The following RCAN2 variants were observed in gnomAD, a reference collection of about 807,000 sequenced individuals.
RCAN2 encodes regulator of calcineurin 2.
In RCAN2, 9 loss-of-function variants were observed where a neutral mutation model predicts 23.6. That is an observed-to-expected ratio of 0.38 (90% CI 0.23 to 0.67). The LOEUF (loss-of-function observed/expected upper bound fraction) is 0.67, where lower values mean the gene tolerates loss of function less well. Ranked by LOEUF, RCAN2 falls within the 30% of genes least tolerant of loss-of-function variation. RCAN2 has a pLI of 0.51. For missense variants in RCAN2, 273 were observed against 302.3 expected, an observed-to-expected ratio of 0.90 and a Z score of 0.72; for synonymous variants, 109 against 115.7, an observed-to-expected ratio of 0.94 and a Z score of 0.37.
intron 2 of RCAN2, among the ~76,000 whole-genome samples, chr6:46,249,280 C>G (rs2150318646): frequency 6.6e-6 from 1 of 150,502 alleles, no homozygotes; most frequent in East Asian, 2.0e-4. Context: ...TTGTGATTAC[C>G]AATCTTGGGG....
intron 2 of RCAN2, among the ~76,000 whole-genome samples, chr6:46,379,919 C>T (rs1320666472): frequency 6.6e-6 from 1 of 152,178 alleles, no homozygotes; most frequent in Non-Finnish European, 1.5e-5. Flanking sequence ...CAGCATGAAG[C>T]ATCATTTCTG....
chr6:46,277,188 GT>G (rs2150336570), intron 2 of RCAN2, among the ~76,000 whole-genome samples: 1 of 152,280 alleles, frequency 6.6e-6, no homozygotes, highest in South Asian at 2.1e-4. Context: ...GAACGTGTTG[GT>G]TTTCTATTTG....
intron 2 of RCAN2, among the ~76,000 whole-genome samples, chr6:46,336,619 G>A (rs1764153570): frequency 6.6e-6 from 1 of 152,198 alleles, no homozygotes; most frequent in Non-Finnish European, 1.5e-5. Flanking sequence ...TTGGAAAGGA[G>A]GGTCATGGCC....
chr6:46,263,455 GTGTGTGTGTGTGTGTGTGTA>G (rs1767184941), intron 2 of RCAN2, among the ~76,000 whole-genome samples: 1 of 48,928 alleles, frequency 2.0e-5, no homozygotes, highest in Non-Finnish European at 4.4e-5. Context: ...ATCAGAGAGT[GTGTGTGTGTGTGTGTGTGTA>G]TGTGTGTGTG....
At chr6:46,352,132 GC>G (rs1764667098) in intron 2 of RCAN2, among the ~76,000 whole-genome samples, 1 of 152,162 alleles carries the variant, frequency 6.6e-6, no homozygotes, top group Non-Finnish European at 1.5e-5. Context: ...TTCTAAGGAG[GC>G]CTCTCCTGGG....
At chr6:46,245,605 C>T (rs1464139752) in intron 4 of RCAN2, among the ~76,000 whole-genome samples, 1 of 152,094 alleles carries the variant, frequency 6.6e-6, no homozygotes. Context: ...CAAATGTTTT[C>T]CTGCTACATT....
At chr6:46,335,105 T>G (rs988055107) in intron 2 of RCAN2, among the ~76,000 whole-genome samples, 1 of 152,210 alleles carries the variant, frequency 6.6e-6, no homozygotes, top group Non-Finnish European at 1.5e-5. Flanking sequence ...GTCAGACTTC[T>G]CATGAGGATT....
intron 2 of RCAN2, among the ~76,000 whole-genome samples, chr6:46,306,983 C>T (rs773126081): frequency 2.0e-5 from 3 of 152,094 alleles, no homozygotes; most frequent in Non-Finnish European, 4.4e-5. Context: ...ATATCTAGAA[C>T]AGAGCCTGGC....
chr6:46,348,317 T>C (rs1764549135), intron 2 of RCAN2, among the ~76,000 whole-genome samples: 1 of 152,208 alleles, frequency 6.6e-6, no homozygotes, highest in African/African-American at 2.4e-5. Context: ...TAATTATACA[T>C]GTCCTCTGTT....
At chr6:46,357,298 G>A (rs1239036603) in intron 2 of RCAN2, among the ~76,000 whole-genome samples, 2 of 152,172 alleles carry the variant, frequency 1.3e-5, no homozygotes, top group African/African-American at 2.4e-5. Context: ...AATCAGACCC[G>A]ATAGAAGTGT....
chr6:46,380,689 A>C (rs1462985478), intron 2 of RCAN2, among the ~76,000 whole-genome samples: 1 of 152,248 alleles, frequency 6.6e-6, no homozygotes, highest in Non-Finnish European at 1.5e-5. Flanking sequence ...AAGAAACCTG[A>C]GTCCTAGTTA....
intron 2 of RCAN2, among the ~76,000 whole-genome samples, chr6:46,364,694 G>T (rs952888982): frequency 2.6e-5 from 4 of 152,046 alleles, no homozygotes; most frequent in African/African-American, 9.7e-5. Flanking sequence ...GCTGACTGTT[G>T]GTGCCCACCC....
chr6:46,293,372 C>G (rs1475882105), intron 2 of RCAN2, among the ~76,000 whole-genome samples: 5 of 152,110 alleles, frequency 3.3e-5, no homozygotes, highest in Non-Finnish European at 7.4e-5. Flanking sequence ...TGGAGATTAT[C>G]AAATTCATGC....
chr6:46,442,019 G>A (rs1230754949), intron 2 of RCAN2, among the ~76,000 whole-genome samples: 1 of 152,150 alleles, frequency 6.6e-6, no homozygotes, highest in East Asian at 1.9e-4. Flanking sequence ...GAGTTTTAAA[G>A]TTCACATCAA....
chr6:46,290,278 A>T (rs1762514781), intron 2 of RCAN2, among the ~76,000 whole-genome samples: 1 of 152,222 alleles, frequency 6.6e-6, no homozygotes, highest in South Asian at 2.1e-4. Flanking sequence ...TCATGAACTA[A>T]TGTAAATTAG....
intron 2 of RCAN2, among the ~76,000 whole-genome samples, chr6:46,326,250 C>A (rs1451658448): frequency 6.6e-6 from 1 of 152,128 alleles, no homozygotes; most frequent in East Asian, 1.9e-4. Flanking sequence ...CTAAGAGCAC[C>A]CTTCCAAGCT....
At chr6:46,399,446 G>C (rs1766186683) in intron 2 of RCAN2, among the ~76,000 whole-genome samples, 1 of 150,526 alleles carries the variant, frequency 6.6e-6, no homozygotes, top group Non-Finnish European at 1.5e-5. Flanking sequence ...TCTGTTAACA[G>C]GGGGAACTGC....
chr6:46,392,555 C>T (rs1272059622), intron 2 of RCAN2, among the ~76,000 whole-genome samples: 1 of 152,098 alleles, frequency 6.6e-6, no homozygotes, highest in Non-Finnish European at 1.5e-5. Context: ...TGGGGAAGAC[C>T]ATCCATAACA....
At chr6:46,368,109 C>A (rs1385961954) in intron 2 of RCAN2, among the ~76,000 whole-genome samples, 1 of 152,206 alleles carries the variant, frequency 6.6e-6, no homozygotes, top group South Asian at 2.1e-4. Context: ...AACTACTCAA[C>A]TTTGCCTTTA....
Sources: allele counts gnomAD v4.1 joint callset (sites outside exome capture counted in the v4.1 genomes callset), GRCh38; gene constraint gnomAD v4.1.1; transcripts MANE v1.5; gene names NCBI Gene and HGNC (gene_info 2026-07-23, HGNC 2026-07-21).